SLC38A8: variants seen among roughly 807,000 people sequenced by gnomAD.
SLC38A8 encodes the protein solute carrier family 38 member 8, also known as amino acid transporter SLC38A8.
Under a neutral mutation model 46.0 loss-of-function variants are expected in SLC38A8, and 65 were observed. The observed-to-expected ratio is 1.41, with a 90% CI of 1.16 to 1.74. SLC38A8 has a LOEUF of 1.74. Ranked by LOEUF, SLC38A8 falls within the 40% of genes most tolerant of loss-of-function variation. SLC38A8 has a pLI of 0.00. For synonymous variants in SLC38A8, 447 were observed against 243.7 expected, an observed-to-expected ratio of 1.83 and a Z score of -7.77; for missense variants, 998 against 567.9, an observed-to-expected ratio of 1.76 and a Z score of -7.70.
chr16:84,015,046 C>T (rs893317530), intron 9 of SLC38A8, among the ~76,000 whole-genome samples: 3 of 152,134 alleles, frequency 2.0e-5, no homozygotes, highest in East Asian at 1.9e-4. Context: ...TTTGACATAA[C>T]GGCTGCATCA....
intron 9 of SLC38A8, among the ~76,000 whole-genome samples, chr16:84,015,818 G>A (rs1311069097): frequency 1.3e-5 from 2 of 152,150 alleles, no homozygotes; most frequent in African/African-American, 2.4e-5. Context: ...TGATTCTCCT[G>A]CCTAAGCCTC....
intron 6 of SLC38A8, among the ~76,000 whole-genome samples, chr16:84,025,998 G>C (rs1444974198): frequency 6.6e-6 from 1 of 152,234 alleles, no homozygotes; most frequent in Non-Finnish European, 1.5e-5. Flanking sequence ...TAGAGCCCCA[G>C]TGCCCACAAT....
At chr16:84,023,584 C>T (rs1384787969) in intron 6 of SLC38A8, among the ~76,000 whole-genome samples, 1 of 152,094 alleles carries the variant, frequency 6.6e-6, no homozygotes, top group Non-Finnish European at 1.5e-5. Flanking sequence ...TCAGTCAGAA[C>T]AATGAACACC....
rs373295441 is a variant in SLC38A8 at position 84,026,092 on chromosome 16, C to G, written c.691-3203G>C. 3.9e-5 allele frequency among the ~76,000 whole-genome samples: 6 copies of G among 152,358 alleles called. No individual in the cohort carries two copies. In the South Asian group the frequency reaches 8.3e-4, roughly 21 times the overall value. On this transcript the variant is annotated intron_variant, in intron 6 of 10. Transcript: ENST00000299709. Reference sequence around the variant, plus strand: ...CAGATGCCCCGAGGTGGGGAGTCCCCGAACGGCAGCTCTGCGTATAGGGGC... The same window carrying G: ...CAGATGCCCCGAGGTGGGGAGTCCCGGAACGGCAGCTCTGCGTATAGGGGC...
At chr16:84,043,054 C>T (rs1340412515), upstream of SLC38A8, among the ~76,000 whole-genome samples, 8 of 152,170 alleles carry the variant, frequency 5.3e-5, no homozygotes, top group African/African-American at 1.9e-4. Flanking sequence ...GCCCAGCCTC[C>T]TCCTCTGCAG....
At chr16:84,030,920 C>G (rs1227294047) in intron 5 of SLC38A8, among the ~76,000 whole-genome samples, 1 of 152,216 alleles carries the variant, frequency 6.6e-6, no homozygotes, top group African/African-American at 2.4e-5. Context: ...TTCCTCATTG[C>G]CTCCTCTGAA....
chr16:84,025,917 C>T (rs151156964), intron 6 of SLC38A8, among the ~76,000 whole-genome samples: 1 of 152,344 alleles, frequency 6.6e-6, no homozygotes, highest in Non-Finnish European at 1.5e-5. Context: ...GGGGACGCAA[C>T]CCCTCTGCCT....
At chr16:84,012,936 C>T (rs1045286889) in intron 10 of SLC38A8, 65 bp downstream of exon 10, 3 of 1,556,446 alleles carry the variant, frequency 1.9e-6, no homozygotes, top group African/African-American at 2.7e-5. Context: ...TGCAGGGTCC[C>T]CTGAAACATT....
intron 2 of SLC38A8, 37 bp from the exon 3 acceptor site, chr16:84,036,937 C>T (rs1394514304): frequency 6.5e-7 from 1 of 1,547,450 alleles, no homozygotes; most frequent in African/African-American, 1.4e-5. Context: ...CTGGGGTGTG[C>T]CCACAGCCCA....
chr16:84,031,829 C>T (rs1012297235), intron 5 of SLC38A8, 38 bp downstream of exon 5: 5 of 1,583,782 alleles, frequency 3.2e-6, no homozygotes, highest in Admixed American at 3.3e-5. Flanking sequence ...GCCGTGCCTC[C>T]CCGCCGAGGC....
At chr16:84,039,676 A>T (rs917187462) in intron 2 of SLC38A8, among the ~76,000 whole-genome samples, 1 of 135,248 alleles carries the variant, frequency 7.4e-6, no homozygotes, top group African/African-American at 2.7e-5. Context: ...TGAACCAGGG[A>T]GGCGGAGGTT....
Position 84,016,567 on chromosome 16 carries a change from C to G in SLC38A8, c.1114G>C (p.Val372Leu), listed in dbSNP as rs369678357. The G allele has an allele frequency of 9.9e-6, 16 of 1,614,086 alleles. No individual in the cohort carries two copies. In the Middle Eastern group the frequency reaches 1.5e-3, roughly 150 times the overall value. Residue 372 changes from valine to leucine, a missense_variant, in exon 9 of 11, where the codon GTC (valine) becomes CTC (leucine). Physicochemically the swap from Val to Leu is conservative, Grantham distance 32. Coordinates refer to ENST00000299709, the MANE Select transcript of SLC38A8 (RefSeq NM_001080442.3). Reference sequence around the variant, plus strand: ...GAACTGATGCCTCCGATGATGCTGACGATCTCGCTGAGGTCAGGCATAAAC... The same window carrying G: ...GAACTGATGCCTCCGATGATGCTGAGGATCTCGCTGAGGTCAGGCATAAAC... ...ALFMPDLSEI[V>L]SIIGGISSFF...
chr16:84,030,959 G>T (rs950280968), intron 5 of SLC38A8, among the ~76,000 whole-genome samples: 1 of 152,162 alleles, frequency 6.6e-6, no homozygotes, highest in Non-Finnish European at 1.5e-5. Context: ...CGGGATCTAG[G>T]CAGAGGCCTC....
chr16:84,017,109 T>G (rs761590384), intron 8 of SLC38A8, 31 bp downstream of exon 8: 29 of 1,612,312 alleles, frequency 1.8e-5, no homozygotes, highest in Non-Finnish European at 2.2e-5. Context: ...AGACCATGCT[T>G]CACGGTGCCC....
In SLC38A8 at chr16:84,010,067, AT is replaced by A. The variant is rs397855804; in HGVS notation, c.1215-191del. On this transcript the variant is annotated intron_variant, in intron 10 of 10. Transcript: ENST00000299709. Reference sequence around the variant, plus strand: ...CAATGGGAAGCAAAGTACCCAGGCAATTTTTTTTTTTTTTTTTTTTTGAGGT... The same window carrying A: ...CAATGGGAAGCAAAGTACCCAGGCAATTTTTTTTTTTTTTTTTTTTGAGGT... 9.8e-3 allele frequency among the ~76,000 whole-genome samples: 1,101 copies of A among 111,922 alleles called. 7 individuals are homozygous for A. The highest frequency in any genetic ancestry group is 0.014 in the Middle Eastern group (3 of 208). 73.4% of individuals were successfully genotyped at this position (111,922 alleles called of 152,430 possible). A position where few individuals can be genotyped will look rare whatever the true frequency, so the allele number is the denominator to read the frequency against.
At chr16:84,028,749 C>G (rs1318602548) in intron 6 of SLC38A8, among the ~76,000 whole-genome samples, 1 of 146,722 alleles carries the variant, frequency 6.8e-6, no homozygotes, top group African/African-American at 2.5e-5. Flanking sequence ...GCAGGTCTCT[C>G]TCCAGCTGTG....
At chr16:84,019,953 A>C (rs1159348223) in intron 7 of SLC38A8, among the ~76,000 whole-genome samples, 1 of 152,202 alleles carries the variant, frequency 6.6e-6, no homozygotes, top group Non-Finnish European at 1.5e-5. Context: ...TTTGCCGGGT[A>C]CAGCCCACGT....
At chr16:84,025,322 G>A (rs904565333) in intron 6 of SLC38A8, among the ~76,000 whole-genome samples, 15 of 152,146 alleles carry the variant, frequency 9.9e-5, no homozygotes, top group African/African-American at 3.6e-4. Context: ...AGATCAGCTA[G>A]GTCTTCCCTC....
rs953496429 is a variant in SLC38A8 at position 84,042,066 on chromosome 16, A to G, written c.92T>C (p.Phe31Ser). Reference sequence around the variant, plus strand: ...TCCCAGCGCGGACTTCATGAGGATGAAGACAGCGCCCATCGAGGACAGAGT... The same window carrying G: ...TCCCAGCGCGGACTTCATGAGGATGGAGACAGCGCCCATCGAGGACAGAGT... The part of the protein sequence containing the change: ...AATLSSMGAV[F>S]ILMKSALGAG... The change falls in exon 2 of 11, where the codon TTC (phenylalanine) becomes TCC (serine). Residue 31 changes from phenylalanine (F) to serine (S), a missense_variant. Phe to Ser is a radical substitution (Grantham distance 155, BLOSUM62 -2). Coordinates refer to ENST00000299709, the MANE Select transcript of SLC38A8 (RefSeq NM_001080442.3). 6.2e-7 allele frequency: 1 copy of G among 1,613,996 alleles called. No homozygotes were observed. Among genetic ancestry groups the G allele is most frequent in the Middle Eastern group, 1.6e-4 (1 of 6,062 alleles).
Sources: allele counts gnomAD v4.1 joint callset (sites outside exome capture counted in the v4.1 genomes callset), GRCh38; gene constraint gnomAD v4.1.1; transcripts MANE v1.5; gene names NCBI Gene and HGNC (gene_info 2026-07-23, HGNC 2026-07-21).